The following TBC1D22A variants were observed in gnomAD, a reference collection of about 807,000 sequenced individuals.
TBC1D22A encodes TBC1 domain family member 22A.
TBC1D22A carries 38 observed loss-of-function variants against 60.2 expected under a neutral mutation model. The ratio of observed to expected loss-of-function variants is 0.63; its 90% CI spans 0.49 to 0.83. The LOEUF (loss-of-function observed/expected upper bound fraction) is 0.83, where lower values mean the gene tolerates loss of function less well. Among genes scored for constraint, TBC1D22A ranks in the 40% least tolerant of loss-of-function variants. TBC1D22A has a pLI of 0.00. For synonymous variants in TBC1D22A, 302 were observed against 281.7 expected (o/e 1.07, Z -0.72); for missense variants, 628 against 701.0 (o/e 0.90, Z 1.18).
At chr22:46,882,415 G>A (rs1044787970) in intron 5 of TBC1D22A, among the ~76,000 whole-genome samples, 3 of 152,160 alleles carry the variant, frequency 2.0e-5, no homozygotes, top group African/African-American at 7.2e-5. Context: ...GTGTGCCCAG[G>A]GCTGAAGACG....
chr22:46,863,114 G>A (rs1353733026), intron 4 of TBC1D22A, among the ~76,000 whole-genome samples: 1 of 152,154 alleles, frequency 6.6e-6, no homozygotes, highest in Non-Finnish European at 1.5e-5. Context: ...GGTTGCACTG[G>A]TCATGGGTTA....
intron 4 of TBC1D22A, among the ~76,000 whole-genome samples, chr22:46,817,967 G>C (rs1476549818): frequency 6.6e-6 from 1 of 152,170 alleles, no homozygotes; most frequent in Non-Finnish European, 1.5e-5. Context: ...GTGTGAGATG[G>C]TGTCTCATTG....
chr22:46,961,028 A>G (rs1005319108), intron 8 of TBC1D22A, among the ~76,000 whole-genome samples: 3 of 151,722 alleles, frequency 2.0e-5, no homozygotes, highest in Non-Finnish European at 4.4e-5. Flanking sequence ...AGAAAAAAAA[A>G]AAACAAAACC....
chr22:46,762,765 G>T lies in TBC1D22A; in HGVS notation c.-22G>T, dbSNP rs371488026. 53 of 1,431,288 alleles carry T rather than the reference G, an allele frequency of 3.7e-5. No individual in the cohort carries two copies. In the African/African-American group the frequency reaches 5.9e-4, roughly 16 times the overall value. 88.7% of individuals were successfully genotyped at this position (1,431,288 alleles called of 1,614,324 possible). ...TGCACTCGGGGTGTCTGGGCCGCGG[G>T]TCTGAGGGATGAGGAGGGGCCATGG... On this transcript the variant is annotated 5_prime_UTR_variant, in exon 1 of 13. Coordinates refer to ENST00000337137, the MANE Select transcript of TBC1D22A (RefSeq NM_014346.5).
chr22:46,849,789 G>GTGC (rs1308130890), intron 4 of TBC1D22A, among the ~76,000 whole-genome samples: 3 of 152,312 alleles, frequency 2.0e-5, no homozygotes, highest in Non-Finnish European at 4.4e-5. Flanking sequence ...CGTGCTCCGT[G>GTGC]ACTGTCGCCT....
chr22:47,114,391 A>C (rs931900202), intron 12 of TBC1D22A, among the ~76,000 whole-genome samples: 1 of 152,006 alleles, frequency 6.6e-6, no homozygotes, highest in East Asian at 1.9e-4. Flanking sequence ...CCTTTAGAGG[A>C]AGAGGAAGTT....
intron 7 of TBC1D22A, among the ~76,000 whole-genome samples, chr22:46,901,712 G>A (rs982504116): frequency 2.0e-5 from 3 of 152,270 alleles, no homozygotes; most frequent in South Asian, 4.1e-4. Context: ...CTCACATGGG[G>A]GGGGGATGTT....
chr22:46,841,040 GAA>G (rs2086735123), intron 4 of TBC1D22A, among the ~76,000 whole-genome samples: 3 of 146,832 alleles, frequency 2.0e-5, no homozygotes, highest in Admixed American at 6.9e-5. Context: ...AATGAGTAAT[GAA>G]AATGGGTGTG....
intron 10 of TBC1D22A, among the ~76,000 whole-genome samples, chr22:47,023,882 G>A (rs977094249): frequency 3.3e-5 from 5 of 152,230 alleles, no homozygotes; most frequent in Admixed American, 6.5e-5. Context: ...CTAGATGACC[G>A]TGTGGACCTG....
intron 4 of TBC1D22A, among the ~76,000 whole-genome samples, chr22:46,829,987 G>A (rs1195381017): frequency 6.6e-6 from 1 of 152,264 alleles, no homozygotes; most frequent in Non-Finnish European, 1.5e-5. Flanking sequence ...AATGAGACTG[G>A]CTTTGTTCCC....
intron 8 of TBC1D22A, among the ~76,000 whole-genome samples, chr22:46,951,687 G>C (rs1436552247): frequency 1.3e-5 from 2 of 152,246 alleles, no homozygotes; most frequent in Non-Finnish European, 2.9e-5. Context: ...GAGTGTCTCA[G>C]TGATGACTGA....
chr22:46,835,904 G>C (rs1413593902), intron 4 of TBC1D22A, among the ~76,000 whole-genome samples: 2 of 152,056 alleles, frequency 1.3e-5, no homozygotes, highest in African/African-American at 4.8e-5. Context: ...CATAAACTTT[G>C]TATGTCAGGA....
chr22:46,843,192 C>T (rs1458821075), intron 4 of TBC1D22A, among the ~76,000 whole-genome samples: 1 of 152,166 alleles, frequency 6.6e-6, no homozygotes, highest in Non-Finnish European at 1.5e-5. Context: ...AGCTCAGGGT[C>T]CTCATCTGTC....
Position 47,034,427 on chromosome 22 carries a change from G to A in TBC1D22A, c.1202-2644G>A, listed in dbSNP as rs999053911. ...ATCCCACCTGGAAGAGTCTGACTGA[G>A]AGTCGAGATGAGAATCTGTATTTAA... is the stretch of plus-strand genomic sequence containing the variant. On this transcript the variant is annotated intron_variant, in intron 10 of 12. Coordinates refer to ENST00000337137, the MANE Select transcript of TBC1D22A (RefSeq NM_014346.5). Among the ~76,000 whole-genome samples, 3 of 152,204 alleles carry A rather than the reference G, an allele frequency of 2.0e-5. No homozygotes were observed. The East Asian group carries it at 5.8e-4, about 29-fold the overall frequency.
intron 11 of TBC1D22A, among the ~76,000 whole-genome samples, chr22:47,088,855 G>A (rs535092841): frequency 6.6e-6 from 1 of 152,350 alleles, no homozygotes; most frequent in East Asian, 1.9e-4. Flanking sequence ...GCGGTGAAAT[G>A]TGAAGGCCAC....
chr22:46,946,526 G>T (rs954275983), intron 8 of TBC1D22A, among the ~76,000 whole-genome samples: 1 of 152,194 alleles, frequency 6.6e-6, no homozygotes, highest in Non-Finnish European at 1.5e-5. Flanking sequence ...AGAGCTGTAA[G>T]ATCCAAGGGC....
intron 10 of TBC1D22A, among the ~76,000 whole-genome samples, chr22:47,010,347 C>T (rs545176827): frequency 1.3e-5 from 2 of 152,194 alleles, no homozygotes; most frequent in East Asian, 3.8e-4. Context: ...CCCCCTGGCT[C>T]TCGTCCTCAT....
At chr22:47,129,260 C>T (rs540596702) in intron 12 of TBC1D22A, among the ~76,000 whole-genome samples, 5 of 152,328 alleles carry the variant, frequency 3.3e-5, no homozygotes, top group South Asian at 2.1e-4. Flanking sequence ...CGGCAGATCA[C>T]GAGGTCGAGA....
At chr22:46,983,550 G>GGGTGGGTGTGCACAGGTTGAC (rs2074597206) in intron 9 of TBC1D22A, among the ~76,000 whole-genome samples, 1 of 152,120 alleles carries the variant, frequency 6.6e-6, no homozygotes, top group African/African-American at 2.4e-5. Flanking sequence ...GATGTGAGTT[G>GGGTGGGTGTGCACAGGTTGAC]GGTGGGTGTG....
Sources: gnomAD v4.1 joint callset for allele counts (sites outside exome capture counted in the v4.1 genomes callset) on GRCh38, gnomAD v4.1.1 for gene constraint, MANE v1.5 for transcripts, NCBI Gene and HGNC (gene_info 2026-07-23, HGNC 2026-07-21) for gene names.